PEX14: variants seen among roughly 807,000 people sequenced by gnomAD.
The protein encoded by PEX14 is peroxisomal membrane protein PEX14.
A neutral mutation model predicts 49.5 loss-of-function variants in PEX14; 15 were observed. That is an observed-to-expected ratio of 0.30 (90% CI 0.20 to 0.47). The LOEUF (loss-of-function observed/expected upper bound fraction) is 0.47, where lower values mean the gene tolerates loss of function less well. Ranked by LOEUF, PEX14 falls within the 20% of genes least tolerant of loss-of-function variation. PEX14 has a pLI of 1.00. For missense variants in PEX14, 398 were observed against 494.8 expected (o/e 0.80, Z 1.86); for synonymous variants, 210 against 212.7 (o/e 0.99, Z 0.11).
Position 10,599,308 on chromosome 1 carries a change from G to C in PEX14, c.240G>C (p.Leu80Phe). 2 of 1,614,064 alleles carry C rather than the reference G, an allele frequency of 1.2e-6. No homozygotes were observed. Among genetic ancestry groups the C allele is most frequent in the Non-Finnish European group, 1.7e-6 (2 of 1,179,952 alleles). Reference sequence around the variant, plus strand: ...CTGCTGCCGATGAGCCTTCGTCCTTGGGCCCAGCCACACAGGTGGTTCCTG... The same window carrying C: ...CTGCTGCCGATGAGCCTTCGTCCTTCGGCCCAGCCACACAGGTGGTTCCTG... ...SGTAADEPSS[L>F]GPATQVVPVQ... The change falls in exon 4 of 9, where the codon TTG becomes TTC. Residue 80 changes from leucine to phenylalanine, a missense_variant. Around this residue, in one of 3 missense-constraint regions of PEX14, gnomAD observed 202 missense variants for 298.5 expected, o/e 0.68. Coordinates refer to ENST00000356607, the MANE Select transcript of PEX14 (RefSeq NM_004565.3).
intron 4 of PEX14, chr1:10,617,133 C>G (rs1557431953): frequency 6.6e-6 from 1 of 152,078 alleles, no homozygotes; most frequent in Non-Finnish European, 1.5e-5. Context: ...TTACTTAATA[C>G]AAATAAAGAG....
chr1:10,585,360 T>G (rs1397301749), intron 3 of PEX14, among the ~76,000 whole-genome samples: 1 of 152,026 alleles, frequency 6.6e-6, no homozygotes, highest in Admixed American at 6.6e-5. Context: ...AAGAGAGCAC[T>G]AAACAGGTCA....
intron 4 of PEX14, among the ~76,000 whole-genome samples, chr1:10,615,691 C>T (rs551362188): frequency 1.2e-4 from 19 of 152,286 alleles, no homozygotes; most frequent in African/African-American, 4.1e-4. Context: ...CACGTGTGCA[C>T]GTTGTTGATG....
chr1:10,604,850 T>C (rs777580963), intron 4 of PEX14, among the ~76,000 whole-genome samples: 2 of 152,102 alleles, frequency 1.3e-5, no homozygotes, highest in African/African-American at 4.8e-5. Flanking sequence ...GCAGGTGCCA[T>C]GAGGTTAGTT....
chr1:10,494,298 A>G lies in PEX14; in HGVS notation c.37-976A>G, dbSNP rs1641519463. ...GGCCTGGCACTTCCATCTGATCTGTAATAGCCGGGAGAATGGAGGCTGCAG... is the reference window on the plus strand; with the variant it reads ...GGCCTGGCACTTCCATCTGATCTGTGATAGCCGGGAGAATGGAGGCTGCAG... On this transcript the variant is annotated intron_variant, in intron 1 of 8. Coordinates refer to ENST00000356607, the MANE Select transcript of PEX14 (RefSeq NM_004565.3). The surrounding 1 kb of genome is among the most constrained non-coding windows in gnomAD (Gnocchi z 4.3). Among the ~76,000 whole-genome samples the G allele has an allele frequency of 6.6e-6, 1 of 152,180 alleles. No homozygotes were observed.
At chr1:10,591,990 A>G (rs1448690326) in intron 3 of PEX14, among the ~76,000 whole-genome samples, 2 of 148,232 alleles carry the variant, frequency 1.3e-5, no homozygotes, top group African/African-American at 5.0e-5. Flanking sequence ...GAGAGAGGTC[A>G]GATAAACTCC....
At chr1:10,604,132 A>G (rs979095671) in intron 4 of PEX14, among the ~76,000 whole-genome samples, 1 of 152,192 alleles carries the variant, frequency 6.6e-6, no homozygotes, top group Non-Finnish European at 1.5e-5. Context: ...GTCTGGTAGG[A>G]AAGACGGTTA....
chr1:10,517,757 G>A (rs762984183), intron 2 of PEX14, among the ~76,000 whole-genome samples: 3 of 151,662 alleles, frequency 2.0e-5, no homozygotes, highest in Non-Finnish European at 4.4e-5. Context: ...GAGTATATGG[G>A]GGGCAGAAAG....
chr1:10,556,479 G>A (rs552436781), intron 3 of PEX14, among the ~76,000 whole-genome samples: 1 of 152,270 alleles, frequency 6.6e-6, no homozygotes, highest in Non-Finnish European at 1.5e-5. Context: ...AAGGAGCACT[G>A]GGGACGCTGG....
intron 2 of PEX14, among the ~76,000 whole-genome samples, chr1:10,506,466 G>A (rs1490916370): frequency 1.3e-5 from 2 of 152,036 alleles, no homozygotes; most frequent in African/African-American, 4.8e-5. Flanking sequence ...TTTTAGAGAC[G>A]AGGTTTCTGT....
chr1:10,620,162 G>A (rs1244023677), intron 5 of PEX14, among the ~76,000 whole-genome samples: 1 of 151,832 alleles, frequency 6.6e-6, no homozygotes, highest in Admixed American at 6.6e-5. Flanking sequence ...AAAACATCCT[G>A]GGTTGGCCCA....
chr1:10,628,085 G>A lies in PEX14; in HGVS notation c.677+722G>A, dbSNP rs1641803612. ...CGAGTAGCTGGGATTACAGGCGCCC[G>A]CCACCACTCCCGGCTAATTTTTGTA... On this transcript the variant is annotated intron_variant, in intron 8 of 8. Transcript: ENST00000356607. The surrounding 1 kb of genome is among the most constrained non-coding windows in gnomAD (Gnocchi z 4.5). 1.3e-5 allele frequency among the ~76,000 whole-genome samples: 2 copies of A among 152,122 alleles called. No homozygotes were observed. Among genetic ancestry groups the A allele is most frequent in the East Asian group, 1.9e-4 (1 of 5,182 alleles).
At position 10,629,965 on chromosome 1, in the gene PEX14, GCAA is replaced by G. The variant is rs755075073; in HGVS notation, c.1114_1116del (p.Asn372del). 1.2e-6 allele frequency: 2 copies of G among 1,610,950 alleles called. No homozygotes were observed. The highest frequency in any genetic ancestry group is 1.7e-6 in the Non-Finnish European group (2 of 1,179,660). Reference sequence around the variant, plus strand: ...AAGCTGCGGCGGCCCGAGGGCGCCAGCAACGAGAGTGAGCGGGACTAGGGCTGC... The same window carrying G: ...AAGCTGCGGCGGCCCGAGGGCGCCAGCGAGAGTGAGCGGGACTAGGGCTGC... On this transcript the variant is annotated inframe_deletion, in exon 9 of 9. Coordinates refer to ENST00000356607, the MANE Select transcript of PEX14 (RefSeq NM_004565.3). The surrounding 1 kb of genome is among the most constrained non-coding windows in gnomAD (Gnocchi z 8.5).
intron 5 of PEX14, among the ~76,000 whole-genome samples, chr1:10,620,677 A>G (rs1641562680): frequency 6.6e-6 from 1 of 152,118 alleles, no homozygotes; most frequent in South Asian, 2.1e-4. Flanking sequence ...AATCCCAGCT[A>G]CTTGGGAGGC....
chr1:10,478,683 A>G (rs1641234492), intron 1 of PEX14, among the ~76,000 whole-genome samples: 1 of 151,530 alleles, frequency 6.6e-6, no homozygotes, highest in African/African-American at 2.4e-5. Flanking sequence ...GGCTCAGGCA[A>G]TCCTTTCGTC....
At chr1:10,524,676 A>ATTTG (rs771918060) in intron 2 of PEX14, among the ~76,000 whole-genome samples, 1,182 of 70,302 alleles carry the variant, frequency 0.017, 10 homozygotes, top group Non-Finnish European at 0.032. Flanking sequence ...TTGTGGAATC[A>ATTTG]TTTGATTGAT....
At chr1:10,614,257 C>A (rs1557429342) in intron 4 of PEX14, among the ~76,000 whole-genome samples, 1 of 152,184 alleles carries the variant, frequency 6.6e-6, no homozygotes, top group African/African-American at 2.4e-5. Context: ...CACACATCTC[C>A]AAAACGAGTA....
chr1:10,510,575 T>C (rs867631161), intron 2 of PEX14, among the ~76,000 whole-genome samples: 4 of 152,230 alleles, frequency 2.6e-5, no homozygotes, highest in Non-Finnish European at 4.4e-5. Flanking sequence ...GTCCCTGTGT[T>C]GTATGGCCGT....
At chr1:10,577,572 T>G (rs1191074258) in intron 3 of PEX14, among the ~76,000 whole-genome samples, 4 of 5,670 alleles carry the variant, frequency 7.1e-4, no homozygotes, top group African/African-American at 2.6e-3. Flanking sequence ...ATTTTTTTTT[T>G]TTTTTTTTTT....
Sources: gnomAD v4.1 joint callset for allele counts (sites outside exome capture counted in the v4.1 genomes callset) on GRCh38, gnomAD v4.1.1 for gene constraint, gnomAD v4.1.1 regional missense constraint, Gnocchi (gnomAD v3.1) non-coding constraint, MANE v1.5 for transcripts, NCBI Gene and HGNC (gene_info 2026-07-23, HGNC 2026-07-21) for gene names.